Variants in PTPRM observed in about 807,000 individuals in gnomAD.
PTPRM encodes receptor-type tyrosine-protein phosphatase mu.
A neutral mutation model predicts 186.7 loss-of-function variants in PTPRM; 47 were observed. The ratio of observed to expected loss-of-function variants is 0.25; its 90% CI spans 0.20 to 0.32. The LOEUF (loss-of-function observed/expected upper bound fraction) is 0.32, where lower values mean the gene tolerates loss of function less well. PTPRM is among the 10% of genes least tolerant of loss of function. PTPRM has a pLI of 1.00. For synonymous variants in PTPRM, 668 were observed against 674.9 expected, an observed-to-expected ratio of 0.99 and a Z score of 0.16; for missense variants, 1,494 against 1,865.0, an observed-to-expected ratio of 0.80 and a Z score of 3.66.
chr18:7,730,347 T>C (rs2040633102), intron 1 of PTPRM, among the ~76,000 whole-genome samples: 1 of 152,222 alleles, frequency 6.6e-6, no homozygotes, highest in Non-Finnish European at 1.5e-5. Flanking sequence ...GTCATTTCTA[T>C]GTTACCCCTA....
At chr18:8,315,162 A>G (rs1340128279) in intron 21 of PTPRM, among the ~76,000 whole-genome samples, 6 of 152,220 alleles carry the variant, frequency 3.9e-5, no homozygotes, top group East Asian at 1.9e-4. Context: ...GTAACATTCT[A>G]TGCCTTCTTT....
At chr18:7,809,821 T>C (rs925413906) in intron 2 of PTPRM, among the ~76,000 whole-genome samples, 2 of 152,078 alleles carry the variant, frequency 1.3e-5, no homozygotes, top group African/African-American at 4.8e-5. Context: ...GGGAGGGTGA[T>C]GGTAGACTAG....
intron 2 of PTPRM, among the ~76,000 whole-genome samples, chr18:7,812,890 G>T (rs1240808955): frequency 6.6e-6 from 1 of 152,182 alleles, no homozygotes; most frequent in Non-Finnish European, 1.5e-5. Context: ...TGGCGCAGAG[G>T]TGCTGGGTGG....
intron 7 of PTPRM, among the ~76,000 whole-genome samples, chr18:8,035,594 T>C (rs146992651): frequency 1.2e-3 from 178 of 152,316 alleles, no homozygotes; most frequent in African/African-American, 4.0e-3. Context: ...CCCCAATATT[T>C]TTGGACCGAG....
chr18:7,679,754 G>A (rs1469179264), intron 1 of PTPRM, among the ~76,000 whole-genome samples: 2 of 152,088 alleles, frequency 1.3e-5, no homozygotes, highest in African/African-American at 2.4e-5. Flanking sequence ...TAGTTTTATG[G>A]TGGGTTATAA....
chr18:8,103,542 A>G (rs1372518282), intron 11 of PTPRM, among the ~76,000 whole-genome samples: 5 of 152,212 alleles, frequency 3.3e-5, no homozygotes, highest in Non-Finnish European at 5.9e-5. Context: ...CTCAGCCTTC[A>G]TAGAATTGAA....
chr18:8,074,457 T>C (rs923102719), intron 8 of PTPRM, among the ~76,000 whole-genome samples: 5 of 152,210 alleles, frequency 3.3e-5, no homozygotes, highest in African/African-American at 9.6e-5. Flanking sequence ...AATCTACCAG[T>C]GTTTAACCAA....
chr18:7,650,595 C>T (rs879280735), intron 1 of PTPRM, among the ~76,000 whole-genome samples: 3 of 151,930 alleles, frequency 2.0e-5, no homozygotes, highest in Non-Finnish European at 4.4e-5. Context: ...TTTTCTTTAC[C>T]CTGATCTGTG....
At chr18:8,090,838 G>A (rs1019885294) in intron 11 of PTPRM, among the ~76,000 whole-genome samples, 11 of 152,080 alleles carry the variant, frequency 7.2e-5, no homozygotes, top group African/African-American at 2.4e-4. Flanking sequence ...CAGGTGATCT[G>A]CCCATCTTGG....
chr18:8,315,978 C>T (rs952245126), intron 21 of PTPRM, among the ~76,000 whole-genome samples: 3 of 152,160 alleles, frequency 2.0e-5, no homozygotes, highest in Non-Finnish European at 4.4e-5. Context: ...TTAAAGCAAG[C>T]TTTCTTCATA....
intron 2 of PTPRM, among the ~76,000 whole-genome samples, chr18:7,823,255 T>G (rs2045303712): frequency 1.3e-5 from 2 of 152,176 alleles, no homozygotes; most frequent in Admixed American, 6.5e-5. Context: ...GGTGTTTCCC[T>G]GGGTGAAAGG....
intron 14 of PTPRM, among the ~76,000 whole-genome samples, chr18:8,190,807 TG>T (rs1239386522): frequency 1.3e-5 from 2 of 152,140 alleles, no homozygotes; most frequent in Non-Finnish European, 2.9e-5. Context: ...AGAATATATG[TG>T]GGGAAATACA....
intron 1 of PTPRM, among the ~76,000 whole-genome samples, chr18:7,706,293 G>T (rs2040087112): frequency 6.6e-6 from 1 of 151,778 alleles, no homozygotes; most frequent in Admixed American, 6.6e-5. Context: ...TTTTACAGTA[G>T]CTCAAAAGAG....
Position 8,113,706 on chromosome 18 carries a change from C to G in PTPRM, c.2077C>G (p.Leu693Val). Residue 693 changes from leucine to valine, a missense_variant, in exon 12 of 33, where the codon CTC (leucine) becomes GTC (valine). Around this residue, in one of 3 missense-constraint regions of PTPRM, gnomAD observed 1,107 missense variants for 1,350.2 expected, o/e 0.82. Transcript: ENST00000580170. ...TYNGYWNTPL[L>V]PYKSYRIYFQ... is the part of the protein sequence containing the mutation. ...TAATGGATACTGGAACACTCCCCTT[C>G]TCCCCTATAAAAGCTACAGAATTTA... 6.2e-7 allele frequency: 1 copy of G among 1,613,784 alleles called. No homozygotes were observed.
chr18:8,316,491 G>A (rs1320414010), intron 21 of PTPRM, among the ~76,000 whole-genome samples: 1 of 152,174 alleles, frequency 6.6e-6, no homozygotes, highest in Non-Finnish European at 1.5e-5. Flanking sequence ...GGATTACTGA[G>A]TTTGAATTGT....
intron 32 of PTPRM, among the ~76,000 whole-genome samples, chr18:8,400,094 C>G (rs562885881): frequency 4.3e-4 from 65 of 152,156 alleles, no homozygotes; most frequent in Non-Finnish European, 8.2e-4. Context: ...GGGCAGAGCT[C>G]AATCACTGTG....
At chr18:8,332,429 T>C (rs1340939806) in intron 22 of PTPRM, among the ~76,000 whole-genome samples, 1 of 152,150 alleles carries the variant, frequency 6.6e-6, no homozygotes, top group Non-Finnish European at 1.5e-5. Flanking sequence ...GTTTTAGAAA[T>C]ACACCCAGAA....
chr18:7,842,830 A>G (rs1311260765), intron 2 of PTPRM, among the ~76,000 whole-genome samples: 5 of 74,672 alleles, frequency 6.7e-5, no homozygotes, highest in Non-Finnish European at 9.3e-5. Context: ...ATATATATGT[A>G]TATATATATA....
intron 1 of PTPRM, among the ~76,000 whole-genome samples, chr18:7,591,163 A>C (rs1394980646): frequency 6.6e-6 from 1 of 152,236 alleles, no homozygotes; most frequent in Non-Finnish European, 1.5e-5. Context: ...GTGAAAATGC[A>C]TCCCCGTGTG....
Sources: gnomAD v4.1 joint callset for allele counts (sites outside exome capture counted in the v4.1 genomes callset) on GRCh38, gnomAD v4.1.1 for gene constraint, gnomAD v4.1.1 regional missense constraint, MANE v1.5 for transcripts, NCBI Gene and HGNC (gene_info 2026-07-23, HGNC 2026-07-21) for gene names.